DEPDC4: variants seen among roughly 807,000 people sequenced by gnomAD.
The protein encoded by DEPDC4 is DEP domain-containing protein 4.
In DEPDC4, 52 loss-of-function variants were observed where a neutral mutation model predicts 52.0. The ratio of observed to expected loss-of-function variants is 1.00; its 90% confidence interval spans 0.80 to 1.26. The LOEUF (loss-of-function observed/expected upper bound fraction) is 1.26, where lower values mean the gene tolerates loss of function less well. DEPDC4 is among the 50% of genes most tolerant of loss of function. The pLI, the probability that DEPDC4 is intolerant of heterozygous loss-of-function variation, is 0.00. For missense variants in DEPDC4, 530 were observed against 546.9 expected, an observed-to-expected ratio of 0.97 and a Z score of 0.31; for synonymous variants, 201 against 196.8, an observed-to-expected ratio of 1.02 and a Z score of -0.18.
intron 5 of DEPDC4, 23 bp downstream of exon 5, chr12:100,253,466 A>T: frequency 9.2e-7 from 1 of 1,090,748 alleles, no homozygotes; most frequent in Non-Finnish European, 1.2e-6. Context: ...ACCAAAAATT[A>T]AAATATAAAC....
chr12:100,275,230 C>T, the DEPDC4 span, among the ~76,000 whole-genome samples: 72 of 151,110 alleles, frequency 4.8e-4, no homozygotes, highest in African/African-American at 1.6e-3. Flanking sequence ...GAGACAGGGT[C>T]TCACCCTGTC....
At chr12:100,266,560 G>C (rs149671788) in intron 1 of DEPDC4, among the ~76,000 whole-genome samples, 99 of 152,288 alleles carry the variant, frequency 6.5e-4, no homozygotes, top group Non-Finnish European at 1.1e-3. Context: ...CCTTGTTGCT[G>C]TAAGTGTAGC....
rs774122438 is a variant in DEPDC4 at position 100,240,909 on chromosome 12, C to T, written c.*983G>A. Among the ~76,000 whole-genome samples the T allele has an allele frequency of 6.6e-6, 1 of 152,026 alleles. No homozygotes were observed. Among genetic ancestry groups the T allele is most frequent in the Non-Finnish European group, 1.5e-5 (1 of 68,010 alleles). On this transcript the variant is annotated 3_prime_UTR_variant, in exon 10 of 10. Coordinates refer to ENST00000550587, the MANE Select transcript of DEPDC4 (RefSeq NM_001364818.2). ...CTCTACTAAAACTACAAAAATTAGC[C>T]GGGCATAGTGGCAGGTACCTATAAT...
At chr12:100,258,715 C>G (rs2096243331) in intron 3 of DEPDC4, among the ~76,000 whole-genome samples, 1 of 145,310 alleles carries the variant, frequency 6.9e-6, no homozygotes, top group African/African-American at 2.8e-5. Flanking sequence ...ATTATTTCCA[C>G]CTAGAATTCT....
At chr12:100,245,705 A>C (rs572546781) in intron 8 of DEPDC4, among the ~76,000 whole-genome samples, 1 of 152,150 alleles carries the variant, frequency 6.6e-6, no homozygotes, top group Non-Finnish European at 1.5e-5. Context: ...CTGTGTTGTC[A>C]TAGTAGTCTC....
chr12:100,256,539 T>C (rs1257777452), intron 3 of DEPDC4, among the ~76,000 whole-genome samples: 1 of 152,108 alleles, frequency 6.6e-6, no homozygotes, highest in Non-Finnish European at 1.5e-5. Context: ...TTATAACTTA[T>C]ATTACACATC....
chr12:100,244,108 TATATATATATATATATATATATATATAC>T (rs1471947402), intron 8 of DEPDC4, among the ~76,000 whole-genome samples: 3 of 74,826 alleles, frequency 4.0e-5, no homozygotes, highest in Non-Finnish European at 8.5e-5. Context: ...TATATATATA[TATATATATATATATATATATATATATAC>T]ACAAAATACA....
intron 9 of DEPDC4, among the ~76,000 whole-genome samples, chr12:100,233,868 C>T (rs1435541861): frequency 1.3e-5 from 2 of 151,914 alleles, no homozygotes; most frequent in Non-Finnish European, 2.9e-5. Flanking sequence ...AGAAGAAAAA[C>T]GTTTTGTCTC....
chr12:100,241,230 A>C lies in DEPDC4; in HGVS notation c.*662T>G, dbSNP rs2096157388. Among the ~76,000 whole-genome samples the C allele has an allele frequency of 6.6e-6, 1 of 152,170 alleles. No homozygotes were observed. Among genetic ancestry groups the C allele is most frequent in the South Asian group, 2.1e-4 (1 of 4,832 alleles). ...TGAAAAGCTCCTTTCCTGTGGAAAA[A>C]AAAGGAAATTAACTGTACTAGATCC... is the stretch of plus-strand genomic sequence containing the variant. On this transcript the variant is annotated 3_prime_UTR_variant, in exon 10 of 10. Coordinates refer to ENST00000550587, the MANE Select transcript of DEPDC4 (RefSeq NM_001364818.2).
chr12:100,244,126 T>TATATATATATATATATATATATAC (rs1236326139), intron 8 of DEPDC4, among the ~76,000 whole-genome samples: 7 of 114,542 alleles, frequency 6.1e-5, no homozygotes, highest in Non-Finnish European at 1.0e-4. Context: ...TATATATATA[T>TATATATATATATATATATATATAC]ATATATATAC....
Position 100,252,287 on chromosome 12 carries a change from T to G in DEPDC4, c.1263A>C (p.Thr421=). 6.9e-7 allele frequency: 1 copy of G among 1,441,020 alleles called. No individual in the cohort carries two copies. The highest frequency in any genetic ancestry group is 9.1e-7 in the Non-Finnish European group (1 of 1,098,084). The allele number at this position is 1,441,020 out of a possible 1,614,324, so 89.3% of individuals were successfully genotyped here. ...ATTTGGCAAGAGTTTTCAGGACCAC[T>G]GTTTTATTATCATACTGTAAACAGA... ...YKLQKQYDNK[T]VVLKTLAKSV... is the part of the protein sequence containing the mutation. The change falls in exon 7 of 10, where the codon ACA becomes ACC. Residue 421 remains threonine (T), a synonymous_variant. Transcript: ENST00000550587.
chr12:100,262,521 G>A (rs2096257253), intron 2 of DEPDC4, 112 bp from the exon 3 acceptor site: 6 of 779,862 alleles, frequency 7.7e-6, no homozygotes, highest in South Asian at 2.8e-5. Context: ...TTCCAAAAAC[G>A]ATTTCAGGCA....
At chr12:100,273,905 T>C in the DEPDC4 span, among the ~76,000 whole-genome samples, 1 of 152,226 alleles carries the variant, frequency 6.6e-6, no homozygotes, top group Non-Finnish European at 1.5e-5. Context: ...CGGCATTTAA[T>C]ATATAGCTTG....
In DEPDC4 at chr12:100,263,593, G is replaced by T; in HGVS notation, c.458C>A (p.Ser153Tyr). The T allele has an allele frequency of 6.2e-7, 1 of 1,613,930 alleles. No individual in the cohort carries two copies. The highest frequency in any genetic ancestry group is 1.7e-4 in the Middle Eastern group (1 of 6,060). The change falls in exon 2 of 10, where the codon TCC becomes TAC. Residue 153 changes from serine (S) to tyrosine (Y), a missense_variant. Physicochemically the swap from Ser to Tyr is moderately radical, Grantham distance 144. Transcript: ENST00000550587. ...TAGAAACCTGTAGAGACTAATGTTG[G>T]AATCTTCAAATTCTAATTCCTTTTC... is the stretch of plus-strand genomic sequence containing the variant. ...KKEKELEFED[S>Y]NISLYRFLGN...
At chr12:100,267,960 C>T (rs1490986409), upstream of DEPDC4, among the ~76,000 whole-genome samples, 1 of 152,046 alleles carries the variant, frequency 6.6e-6, no homozygotes, top group Admixed American at 6.5e-5. Flanking sequence ...AAAAACCCCA[C>T]GGTTACTCCT....
rs1222620233 is a variant in DEPDC4, at chr12:100,256,178, A to G, written c.749T>C (p.Leu250Pro). The stretch of plus-strand genomic sequence containing the variant: ...CTCCAAAATATTGTCCAAGAATGGA[A>G]GGTGAATCAATTGAAGAAGACATAA... ...TLLCLLQLIH[L>P]PFLDNILEPP... is the part of the protein sequence containing the mutation. The change falls in exon 4 of 10, where the codon CTT becomes CCT. Residue 250 changes from leucine to proline, a missense_variant. By Grantham distance (98) the Leu-to-Pro change is moderately conservative. Transcript: ENST00000550587. The G allele has an allele frequency of 3.7e-6, 6 of 1,613,104 alleles. No homozygotes were observed. The highest frequency in any genetic ancestry group is 2.2e-5 in the South Asian group (2 of 91,038).
At chr12:100,259,428 A>G (rs1386302987) in intron 3 of DEPDC4, among the ~76,000 whole-genome samples, 1 of 152,204 alleles carries the variant, frequency 6.6e-6, no homozygotes, top group Non-Finnish European at 1.5e-5. Context: ...TGAATGTAAA[A>G]AACCAAGCAA....
At chr12:100,231,946 GA>G (rs565321441) in intron 9 of DEPDC4, among the ~76,000 whole-genome samples, 20 of 140,014 alleles carry the variant, frequency 1.4e-4, no homozygotes, top group South Asian at 2.2e-4. Flanking sequence ...TCCTGCCTCA[GA>G]AAAAAAAAAA....
At chr12:100,234,837 G>A (rs2096139003) in intron 9 of DEPDC4, among the ~76,000 whole-genome samples, 1 of 152,166 alleles carries the variant, frequency 6.6e-6, no homozygotes, top group Non-Finnish European at 1.5e-5. Context: ...ATTGAATGAT[G>A]ATACCCTTGG....
Sources: allele counts gnomAD v4.1 joint callset (sites outside exome capture counted in the v4.1 genomes callset), GRCh38; gene constraint gnomAD v4.1.1; transcripts MANE v1.5; gene names NCBI Gene and HGNC (gene_info 2026-07-23, HGNC 2026-07-21).